Variants in UNC5D observed in about 807,000 individuals in gnomAD.
UNC5D encodes unc-5 netrin receptor D, also known as netrin receptor UNC5D.
A neutral mutation model predicts 105.4 loss-of-function variants in UNC5D; 39 were observed. The observed-to-expected ratio is 0.37, with a 90% confidence interval of 0.29 to 0.48. UNC5D has a LOEUF of 0.48. Ranked by LOEUF, UNC5D falls within the 20% of genes least tolerant of loss-of-function variation. UNC5D has a pLI of 0.98. For missense variants in UNC5D, 991 were observed against 1,202.4 expected (o/e 0.82, Z 2.60); for synonymous variants, 452 against 450.4 (o/e 1.00, Z -0.04).
rs139118426 is a variant in UNC5D, at chr8:35,734,837, C to A, written c.1766+3741C>A. Among the ~76,000 whole-genome samples the A allele has an allele frequency of 0.011, 1,580 of 141,414 alleles. 96 individuals carry two copies. In the East Asian group the frequency reaches 0.15, roughly 14 times the overall value. The allele number at this position is 141,414 out of a possible 152,430, so 92.8% of individuals were successfully genotyped here. On this transcript the variant is annotated intron_variant, in intron 11 of 16. Transcript: ENST00000404895. The stretch of plus-strand genomic sequence containing the variant: ...TCGCTCTGTTGCTCAGGTTGGAGTG[C>A]AATGGCGCCATCTTGGCTCACTGCA...
At chr8:35,344,458 G>T (rs1442140946) in intron 1 of UNC5D, among the ~76,000 whole-genome samples, 1 of 151,988 alleles carries the variant, frequency 6.6e-6, no homozygotes, top group Non-Finnish European at 1.5e-5. Context: ...GACTGTAAAT[G>T]ATATCCTTAG....
intron 8 of UNC5D, among the ~76,000 whole-genome samples, chr8:35,712,062 G>T (rs188190983): frequency 9.2e-4 from 140 of 152,308 alleles, no homozygotes; most frequent in Middle Eastern, 3.4e-3. Context: ...CACAAGGTCA[G>T]GAGTTCGAGA....
chr8:35,361,756 A>T (rs904098353), intron 1 of UNC5D, among the ~76,000 whole-genome samples: 1 of 152,174 alleles, frequency 6.6e-6, no homozygotes, highest in Non-Finnish European at 1.5e-5. Flanking sequence ...AATAGTGTGA[A>T]GCTTAGCAAC....
chr8:35,544,490 G>T, intron 1 of UNC5D: 2 of 1,613,862 alleles, frequency 1.2e-6, no homozygotes, highest in Non-Finnish European at 1.7e-6. Context: ...TGTCTGTGCT[G>T]GGACTTCCGG....
At chr8:35,501,548 T>C (rs2130244387) in intron 1 of UNC5D, among the ~76,000 whole-genome samples, 1 of 152,302 alleles carries the variant, frequency 6.6e-6, no homozygotes, top group South Asian at 2.1e-4. Context: ...TGTCTCAGCT[T>C]TTGAAATCTC....
chr8:35,686,647 G>A lies in UNC5D; in HGVS notation c.1022G>A (p.Gly341Asp). The A allele has an allele frequency of 6.2e-7, 1 of 1,606,442 alleles. No homozygotes were observed. Among genetic ancestry groups the A allele is most frequent in the Non-Finnish European group, 8.5e-7 (1 of 1,177,844 alleles). ...ECTAPPPRNG[G>D]KFCEGLSQES... is the part of the protein sequence containing the mutation. ...ACAGCACCACCCCCGAGAAATGGGG[G>A]CAAATTCTGTGAAGGTCTAAGCCAG... Residue 341 changes from glycine to aspartate, a missense_variant, in exon 7 of 17, where the codon GGC becomes GAC. By Grantham distance (94) the Gly-to-Asp change is moderately conservative. This residue lies in a region of UNC5D where 944 missense variants were observed against 1,131.6 expected (regional missense o/e 0.83). Transcript: ENST00000404895.
chr8:35,322,059 C>A (rs910663380), intron 1 of UNC5D, among the ~76,000 whole-genome samples: 6 of 152,064 alleles, frequency 3.9e-5, no homozygotes, highest in Non-Finnish European at 8.8e-5. Flanking sequence ...AGTAGATGTT[C>A]GCTTTTATTA....
At chr8:35,730,945 C>A in intron 10 of UNC5D, 67 bp from the exon 11 acceptor site, 1 of 1,453,044 alleles carries the variant, frequency 6.9e-7, no homozygotes, top group Non-Finnish European at 9.6e-7. Flanking sequence ...CTGTAAGGTG[C>A]TCGAGTGACA....
intron 16 of UNC5D, among the ~76,000 whole-genome samples, chr8:35,776,196 T>C (rs1165709133): frequency 6.6e-6 from 1 of 152,144 alleles, no homozygotes; most frequent in Non-Finnish European, 1.5e-5. Flanking sequence ...CCTAAATGAG[T>C]CACTTACTAT....
Position 35,736,712 on chromosome 8 carries a change from G to A in UNC5D, c.1766+5616G>A, listed in dbSNP as rs117522927. Among the ~76,000 whole-genome samples the A allele has an allele frequency of 6.8e-3, 1,039 of 152,314 alleles. 4 individuals carry two copies. The highest frequency in any genetic ancestry group is 7.6e-3 in the Non-Finnish European group (520 of 68,028). ...ATAACAGTTGTCTTATAAACTAAAA[G>A]AGTAAAAGGGGTTTCTCTCCAAGGG... On this transcript the variant is annotated intron_variant, in intron 11 of 16. Transcript: ENST00000404895.
chr8:35,774,405 G>T lies in UNC5D; in HGVS notation c.2585G>T (p.Cys862Phe). ...KIPYSIRQRI[C>F]ATFDTPNAKG... Reference sequence around the variant, plus strand: ...CCCTACTCCATCAGACAGCGGATTTGTGCTACATTTGATACCCCCAATGCC... The same window carrying T: ...CCCTACTCCATCAGACAGCGGATTTTTGCTACATTTGATACCCCCAATGCC... The change falls in exon 16 of 17, where the codon TGT becomes TTT. Residue 862 changes from cysteine to phenylalanine, a missense_variant. By Grantham distance (205) the Cys-to-Phe change is radical. Coordinates refer to ENST00000404895, the MANE Select transcript of UNC5D (RefSeq NM_080872.4). 1 of 1,614,092 alleles carries T rather than the reference G, an allele frequency of 6.2e-7. No individual in the cohort carries two copies. Among genetic ancestry groups the T allele is most frequent in the Non-Finnish European group, 8.5e-7 (1 of 1,179,998 alleles).
At chr8:35,313,225 C>T (rs1033654982) in intron 1 of UNC5D, among the ~76,000 whole-genome samples, 2 of 152,036 alleles carry the variant, frequency 1.3e-5, no homozygotes, top group Admixed American at 6.6e-5. Context: ...TGCATCTATC[C>T]AAATATTTAT....
chr8:35,276,258 C>T (rs1159282618), intron 1 of UNC5D, among the ~76,000 whole-genome samples: 1 of 152,076 alleles, frequency 6.6e-6, no homozygotes, highest in African/African-American at 2.4e-5. Context: ...TATAATAGAT[C>T]AAAGTTTATA....
chr8:35,294,078 T>C (rs1309254285), intron 1 of UNC5D, among the ~76,000 whole-genome samples: 1 of 152,210 alleles, frequency 6.6e-6, no homozygotes, highest in Non-Finnish European at 1.5e-5. Context: ...AGGATTTTTG[T>C]TGTCCAGGCC....
intron 13 of UNC5D, among the ~76,000 whole-genome samples, chr8:35,754,556 G>A (rs984087178): frequency 2.0e-5 from 3 of 152,072 alleles, no homozygotes; most frequent in African/African-American, 7.2e-5. Flanking sequence ...CCTTCTCCCC[G>A]GAAGACCTTG....
At chr8:35,249,296 G>A (rs1335293902) in intron 1 of UNC5D, among the ~76,000 whole-genome samples, 2 of 149,708 alleles carry the variant, frequency 1.3e-5, no homozygotes, top group African/African-American at 2.4e-5. Context: ...GGTGGCTCAC[G>A]CCTGTAATCC....
rs184964494 is a variant in UNC5D, at chr8:35,405,567, G to T, written c.104-143725G>T. On this transcript the variant is annotated intron_variant, in intron 1 of 16. Coordinates refer to ENST00000404895, the MANE Select transcript of UNC5D (RefSeq NM_080872.4). ...CACATTTCCAATGGTAAATGTGAAAGAAGTATAAGAAAAAATTCTCTCCAC... is the reference window on the plus strand; with the variant it reads ...CACATTTCCAATGGTAAATGTGAAATAAGTATAAGAAAAAATTCTCTCCAC... Among the ~76,000 whole-genome samples, 514 of 152,220 alleles carry T rather than the reference G, an allele frequency of 3.4e-3. 3 individuals carry two copies. In the Middle Eastern group the frequency reaches 0.037, roughly 11 times the overall value.
At chr8:35,242,775 C>G (rs572660526) in intron 1 of UNC5D, among the ~76,000 whole-genome samples, 8 of 152,198 alleles carry the variant, frequency 5.3e-5, no homozygotes, top group Non-Finnish European at 1.2e-4. Context: ...GCCTGGCCAG[C>G]AACTTATTAT....
intron 3 of UNC5D, among the ~76,000 whole-genome samples, chr8:35,578,494 A>T (rs1008243858): frequency 6.6e-6 from 1 of 152,182 alleles, no homozygotes; most frequent in Non-Finnish European, 1.5e-5. Flanking sequence ...AGCATCAATC[A>T]TATTCCCCTT....
Sources: gnomAD v4.1 joint callset for allele counts (sites outside exome capture counted in the v4.1 genomes callset) on GRCh38, gnomAD v4.1.1 for gene constraint, gnomAD v4.1.1 regional missense constraint, MANE v1.5 for transcripts, NCBI Gene and HGNC (gene_info 2026-07-23, HGNC 2026-07-21) for gene names.